The following IMMP2L variants were observed in gnomAD, a reference collection of about 807,000 sequenced individuals.
The protein encoded by IMMP2L is inner mitochondrial membrane peptidase subunit 2, also known as mitochondrial inner membrane protease subunit 2.
In IMMP2L, 18 loss-of-function variants were observed where a neutral mutation model predicts 19.3. That is an observed-to-expected ratio of 0.93 (90% CI 0.64 to 1.38). The LOEUF (loss-of-function observed/expected upper bound fraction) is 1.38, where lower values mean the gene tolerates loss of function less well. Among genes scored for constraint, IMMP2L ranks in the 40% most tolerant of loss-of-function variants. The pLI is 0.00. For synonymous variants in IMMP2L, 76 were observed against 73.0 expected, an observed-to-expected ratio of 1.04 and a Z score of -0.21; for missense variants, 233 against 218.2, an observed-to-expected ratio of 1.07 and a Z score of -0.43.
chr7:111,466,200 A>G (rs1048119049), intron 3 of IMMP2L, among the ~76,000 whole-genome samples: 1 of 152,158 alleles, frequency 6.6e-6, no homozygotes, highest in Admixed American at 6.6e-5. Context: ...GGGGAGGGAT[A>G]GCATTAGGAG....
At chr7:110,882,194 AT>A (rs1446717095) in intron 5 of IMMP2L, among the ~76,000 whole-genome samples, 4 of 152,056 alleles carry the variant, frequency 2.6e-5, no homozygotes, top group African/African-American at 9.7e-5. Flanking sequence ...CAGTGCACTC[AT>A]TATTATCTAT....
intron 3 of IMMP2L, among the ~76,000 whole-genome samples, chr7:111,142,336 A>G (rs566808986): frequency 2.1e-3 from 278 of 132,498 alleles, no homozygotes; most frequent in African/African-American, 8.6e-3. Context: ...AAAAAAAAAA[A>G]AAAAAAAGAA....
At chr7:110,851,620 C>T (rs1806235776) in intron 5 of IMMP2L, among the ~76,000 whole-genome samples, 1 of 152,052 alleles carries the variant, frequency 6.6e-6, no homozygotes, top group Non-Finnish European at 1.5e-5. Flanking sequence ...AAATGTGAGG[C>T]CATTTTCCAA....
chr7:111,134,572 T>C (rs552980140), intron 3 of IMMP2L, among the ~76,000 whole-genome samples: 2 of 152,202 alleles, frequency 1.3e-5, no homozygotes, highest in East Asian at 3.9e-4. Flanking sequence ...TTAACTTATC[T>C]CTTCTGTTAT....
intron 3 of IMMP2L, among the ~76,000 whole-genome samples, chr7:111,036,535 A>G (rs1156478743): frequency 6.6e-6 from 1 of 152,164 alleles, no homozygotes; most frequent in Non-Finnish European, 1.5e-5. Flanking sequence ...ACTAGATTAT[A>G]AGCATCAGGA....
chr7:111,430,537 A>G (rs940395266), intron 3 of IMMP2L, among the ~76,000 whole-genome samples: 1 of 151,802 alleles, frequency 6.6e-6, no homozygotes, highest in African/African-American at 2.4e-5. Context: ...AAATAAAATT[A>G]TTGTATTTCC....
chr7:110,713,144 A>T (rs1240391670), intron 5 of IMMP2L, among the ~76,000 whole-genome samples: 1 of 152,106 alleles, frequency 6.6e-6, no homozygotes, highest in Non-Finnish European at 1.5e-5. Context: ...CAGTTACCCC[A>T]GCACCATTTA....
intron 5 of IMMP2L, among the ~76,000 whole-genome samples, chr7:110,752,631 T>A (rs1797793180): frequency 6.6e-6 from 1 of 151,994 alleles, no homozygotes; most frequent in African/African-American, 2.4e-5. Context: ...ATCATGAAGA[T>A]CCTCTGATAC....
rs1182583686 is a variant in IMMP2L, at chr7:110,704,473, C to A, written c.409-40752G>T. On this transcript the variant is annotated intron_variant, in intron 5 of 5. Transcript: ENST00000405709. ...AGTTCTCTTGTCTTAATTGCTGAGA[C>A]TCTATCGTAACCATTTTGTTATGTG... Among the ~76,000 whole-genome samples, 4 of 152,190 alleles carry A rather than the reference C, an allele frequency of 2.6e-5. No individual in the cohort carries two copies. The South Asian group carries it at 6.2e-4, about 24-fold the overall frequency.
At chr7:110,946,866 G>T (rs959404058) in intron 4 of IMMP2L, among the ~76,000 whole-genome samples, 1 of 151,548 alleles carries the variant, frequency 6.6e-6, no homozygotes, top group Non-Finnish European at 1.5e-5. Context: ...GACTACAGGC[G>T]CCCGCCACCA....
chr7:111,167,074 A>G (rs1010506399), intron 3 of IMMP2L, among the ~76,000 whole-genome samples: 1 of 151,930 alleles, frequency 6.6e-6, no homozygotes, highest in Non-Finnish European at 1.5e-5. Context: ...TCACAAGCCC[A>G]TGTGAAGCTG....
chr7:111,428,498 A>C (rs1836308839), intron 3 of IMMP2L, among the ~76,000 whole-genome samples: 1 of 151,786 alleles, frequency 6.6e-6, no homozygotes, highest in Non-Finnish European at 1.5e-5. Context: ...ATTCAAAAGA[A>C]GAGAAACTTT....
At chr7:110,911,468 A>T (rs986367829) in intron 4 of IMMP2L, among the ~76,000 whole-genome samples, 1 of 152,190 alleles carries the variant, frequency 6.6e-6, no homozygotes, top group Admixed American at 6.5e-5. Context: ...TGAACATGAA[A>T]ACAGAAGAAT....
intron 3 of IMMP2L, among the ~76,000 whole-genome samples, chr7:111,028,011 C>T (rs1019203771): frequency 6.6e-6 from 1 of 151,886 alleles, no homozygotes; most frequent in Non-Finnish European, 1.5e-5. Context: ...AAAAATAAGT[C>T]ATATATTTTA....
rs978863474 is a variant in IMMP2L at position 111,181,071 on chromosome 7, A to G, written c.240-217506T>C. Among the ~76,000 whole-genome samples, 5 of 152,010 alleles carry G rather than the reference A, an allele frequency of 3.3e-5. 1 individual carries two copies. Among genetic ancestry groups the G allele is most frequent in the Admixed American group, 3.3e-4 (5 of 15,232 alleles). ...ACCATTATTACATTATTATCACAAT[A>G]CATAGGCCTATTTAAATATAATTAG... On this transcript the variant is annotated intron_variant, in intron 3 of 5. Coordinates refer to ENST00000405709, the MANE Select transcript of IMMP2L (RefSeq NM_032549.4).
intron 3 of IMMP2L, among the ~76,000 whole-genome samples, chr7:111,293,078 G>C (rs1016980040): frequency 6.6e-6 from 1 of 151,872 alleles, no homozygotes; most frequent in Non-Finnish European, 1.5e-5. Flanking sequence ...TATAAGCAAT[G>C]GTGTACACCT....
chr7:111,033,724 T>C (rs1237567532), intron 3 of IMMP2L, among the ~76,000 whole-genome samples: 2 of 152,212 alleles, frequency 1.3e-5, no homozygotes, highest in Non-Finnish European at 2.9e-5. Context: ...GGAAGCTACA[T>C]ACTATGTAAT....
intron 3 of IMMP2L, among the ~76,000 whole-genome samples, chr7:111,307,011 T>C (rs1822952009): frequency 6.7e-6 from 1 of 149,166 alleles, no homozygotes; most frequent in South Asian, 2.1e-4. Context: ...TCTAATTATA[T>C]TCTATATATA....
intron 4 of IMMP2L, among the ~76,000 whole-genome samples, chr7:110,918,153 T>C (rs1813832537): frequency 6.6e-6 from 1 of 152,194 alleles, no homozygotes; most frequent in African/African-American, 2.4e-5. Flanking sequence ...TATTCAAAAT[T>C]TGATATTATA....
Sources: allele counts gnomAD v4.1 joint callset (sites outside exome capture counted in the v4.1 genomes callset), GRCh38; gene constraint gnomAD v4.1.1; transcripts MANE v1.5; gene names NCBI Gene and HGNC (gene_info 2026-07-23, HGNC 2026-07-21).